AHCYL1: variants seen among roughly 807,000 people sequenced by gnomAD.
AHCYL1 encodes adenosylhomocysteinase like 1.
In AHCYL1, 20 loss-of-function variants were observed where a neutral mutation model predicts 79.3. That is an observed-to-expected ratio of 0.25 (90% CI 0.18 to 0.37). AHCYL1 has a LOEUF of 0.37. Among genes scored for constraint, AHCYL1 ranks in the 10% least tolerant of loss-of-function variants. The pLI, the probability that AHCYL1 is intolerant of heterozygous loss-of-function variation, is 1.00. For synonymous variants in AHCYL1, 223 were observed against 242.2 expected (o/e 0.92, Z 0.74); for missense variants, 330 against 673.6 (o/e 0.49, Z 5.65).
At chr1:110,015,180 A>G (rs1460413906) in intron 6 of AHCYL1, among the ~76,000 whole-genome samples, 1 of 152,222 alleles carries the variant, frequency 6.6e-6, no homozygotes, top group Non-Finnish European at 1.5e-5. Context: ...ACTCTAGACT[A>G]AAAATGAGTC....
intron 1 of AHCYL1, among the ~76,000 whole-genome samples, chr1:109,996,434 A>G (rs976688455): frequency 2.6e-5 from 4 of 152,344 alleles, no homozygotes; most frequent in Middle Eastern, 3.4e-3. Context: ...GCATCAGTGA[A>G]CAAAACAAAG....
chr1:109,997,369 T>C (rs1650082956), intron 1 of AHCYL1, among the ~76,000 whole-genome samples: 1 of 152,104 alleles, frequency 6.6e-6, no homozygotes, highest in Admixed American at 6.5e-5. Context: ...TAGAGAAAGA[T>C]GACAGGAAGA....
intron 1 of AHCYL1, among the ~76,000 whole-genome samples, chr1:110,005,372 G>A (rs1490866714): frequency 6.6e-6 from 1 of 152,236 alleles, no homozygotes; most frequent in Non-Finnish European, 1.5e-5. Flanking sequence ...AGATAAGGCT[G>A]TGAAGACTAT....
At chr1:110,011,009 A>G (rs1650988320) in intron 2 of AHCYL1, among the ~76,000 whole-genome samples, 1 of 152,164 alleles carries the variant, frequency 6.6e-6, no homozygotes, top group Non-Finnish European at 1.5e-5. Context: ...GGTGGGTGAA[A>G]GAGCTGCAAC....
chr1:110,014,987 TTG>T, intron 6 of AHCYL1, 130 bp downstream of exon 6: 1 of 822,202 alleles, frequency 1.2e-6, no homozygotes, highest in East Asian at 2.7e-5. Context: ...AGTGTTTAGC[TTG>T]ATACCTATTC....
chr1:110,020,608 T>A (rs1651737280), intron 15 of AHCYL1, 123 bp from the exon 16 acceptor site: 2 of 1,272,452 alleles, frequency 1.6e-6, no homozygotes, highest in Non-Finnish European at 2.1e-6. Flanking sequence ...AGTTGTGGAT[T>A]CTTTCAGAGT....
At chr1:110,020,892 T>A (rs1465661386) in intron 16 of AHCYL1, 41 bp downstream of exon 16, 1 of 1,594,198 alleles carries the variant, frequency 6.3e-7, no homozygotes, top group Non-Finnish European at 8.5e-7. Context: ...TTTTTCCCAG[T>A]ATTAAACCAA....
intron 6 of AHCYL1, 50 bp from the exon 7 acceptor site, chr1:110,015,375 C>G: frequency 2.7e-6 from 4 of 1,491,450 alleles, no homozygotes; most frequent in Non-Finnish European, 3.7e-6. Context: ...AAAGTTCCCC[C>G]CAGCCCTAGC....
chr1:110,021,209 C>T (rs755629728), intron 16 of AHCYL1, among the ~76,000 whole-genome samples: 28 of 152,244 alleles, frequency 1.8e-4, no homozygotes, highest in Non-Finnish European at 4.0e-4. Flanking sequence ...CCACTGCACT[C>T]CAGCCTGGGT....
At chr1:110,003,661 G>A (rs1650457950) in intron 1 of AHCYL1, among the ~76,000 whole-genome samples, 1 of 151,978 alleles carries the variant, frequency 6.6e-6, no homozygotes, top group African/African-American at 2.4e-5. Context: ...GAGATGACTG[G>A]CATGTGTTTA....
In AHCYL1 at chr1:110,012,460, GC is replaced by G; in HGVS notation, c.476del (p.Ala159GlyfsTer3). On this transcript the variant is annotated frameshift_variant and splice_region_variant, in exon 4 of 17. Coordinates refer to ENST00000369799, the MANE Select transcript of AHCYL1 (RefSeq NM_006621.7). LOFTEE classifies it high-confidence loss of function. ...VGCTHITAQT[A>X]VLIETLCALG... ...CTGTACACACATCACAGCCCAGACA[GC>G]GGTGAGTTTGTTGGAAGAAAAGAGG... 1 of 1,591,422 alleles carries G rather than the reference GC, an allele frequency of 6.3e-7. No homozygotes were observed. Among genetic ancestry groups the G allele is most frequent in the Non-Finnish European group, 8.5e-7 (1 of 1,170,486 alleles).
chr1:110,015,617 G>C, intron 7 of AHCYL1, 86 bp downstream of exon 7: 1 of 1,063,110 alleles, frequency 9.4e-7, no homozygotes, highest in Non-Finnish European at 1.4e-6. Flanking sequence ...CTGTGTTTCA[G>C]ACTTATAACT....
intron 5 of AHCYL1, among the ~76,000 whole-genome samples, chr1:110,014,296 A>G (rs1209168269): frequency 3.3e-5 from 5 of 152,348 alleles, no homozygotes; most frequent in East Asian, 1.9e-4. Context: ...TCTAATATGT[A>G]TACAGTTTTA....
At chr1:110,017,679 A>G in intron 10 of AHCYL1, 96 bp downstream of exon 10, 1 of 1,332,884 alleles carries the variant, frequency 7.5e-7, no homozygotes, top group Non-Finnish European at 1.1e-6. Context: ...TGCAGAAATC[A>G]CCTAGGGGAA....
intron 4 of AHCYL1, 53 bp downstream of exon 4, chr1:110,012,515 A>AT: frequency 2.1e-6 from 3 of 1,452,952 alleles, no homozygotes; most frequent in Admixed American, 2.5e-5. Context: ...GAAAGAAATC[A>AT]ATTTTTTTTT....
In AHCYL1 at chr1:110,007,280, A is replaced by G. The variant is rs1010902555; in HGVS notation, c.121-1754A>G. Among the ~76,000 whole-genome samples the G allele has an allele frequency of 5.9e-5, 9 of 152,286 alleles. No homozygotes were observed. In the East Asian group the frequency reaches 7.7e-4, roughly 13 times the overall value. On this transcript the variant is annotated intron_variant, in intron 1 of 16. Coordinates refer to ENST00000369799, the MANE Select transcript of AHCYL1 (RefSeq NM_006621.7). ...GTAGCTTCCAAATAGAATAGGCTGC[A>G]TATGCCAGCAGCAGGGAGGCTGGTG...
intron 7 of AHCYL1, among the ~76,000 whole-genome samples, chr1:110,015,776 C>T (rs1414766127): frequency 2.0e-5 from 3 of 152,034 alleles, no homozygotes; most frequent in Non-Finnish European, 2.9e-5. Flanking sequence ...TGTTGAGGGG[C>T]GGGTAGGGAA....
At position 110,010,091 on chromosome 1, in the gene AHCYL1, G is replaced by T. The variant is rs1650924933; in HGVS notation, c.232+946G>T. 2.6e-5 allele frequency among the ~76,000 whole-genome samples: 4 copies of T among 152,320 alleles called. No homozygotes were observed. In the South Asian group the frequency reaches 8.3e-4, roughly 32 times the overall value. On this transcript the variant is annotated intron_variant, in intron 2 of 16. Transcript: ENST00000369799. ...ATAAAAAGTGGTGTGTGACAAGCAG[G>T]CTAACTGTAGCCAAGAAAGAAGAAA...
At chr1:109,987,273 A>T (rs1557757321) in intron 1 of AHCYL1, among the ~76,000 whole-genome samples, 3 of 152,360 alleles carry the variant, frequency 2.0e-5, no homozygotes, top group South Asian at 4.1e-4. Flanking sequence ...TGCTGAATTG[A>T]ACATTAAGAC....
Sources: gnomAD v4.1 joint callset for allele counts (sites outside exome capture counted in the v4.1 genomes callset) on GRCh38, gnomAD v4.1.1 for gene constraint, MANE v1.5 for transcripts, NCBI Gene and HGNC (gene_info 2026-07-23, HGNC 2026-07-21) for gene names.